The following ATP8B4 variants were observed in gnomAD, a reference collection of about 807,000 sequenced individuals.
The protein encoded by ATP8B4 is probable phospholipid-transporting ATPase IM.
Under a neutral mutation model 145.6 loss-of-function variants are expected in ATP8B4, and 133 were observed. That is an observed-to-expected ratio of 0.91 (90% confidence interval 0.79 to 1.05). The LOEUF is 1.05. Ranked by LOEUF, ATP8B4 falls within the 50% of genes least tolerant of loss-of-function variation. The pLI is 0.00. For synonymous variants in ATP8B4, 507 were observed against 492.9 expected, an observed-to-expected ratio of 1.03 and a Z score of -0.38; for missense variants, 1,458 against 1,425.2, an observed-to-expected ratio of 1.02 and a Z score of -0.37.
intron 25 of ATP8B4, among the ~76,000 whole-genome samples, chr15:49,876,008 A>G (rs1001788586): frequency 6.6e-6 from 1 of 152,202 alleles, no homozygotes; most frequent in Non-Finnish European, 1.5e-5. Context: ...TAATAGTATA[A>G]TCATTTCTCT....
chr15:50,127,983 G>A (rs2057318435), intron 1 of ATP8B4, among the ~76,000 whole-genome samples: 1 of 152,182 alleles, frequency 6.6e-6, no homozygotes, highest in Non-Finnish European at 1.5e-5. Context: ...CAGCAGATGA[G>A]CAGATGATGG....
intron 14 of ATP8B4, among the ~76,000 whole-genome samples, chr15:49,960,961 T>A (rs1343808372): frequency 6.6e-6 from 1 of 151,940 alleles, no homozygotes; most frequent in East Asian, 1.9e-4. Context: ...TGAAACCTGG[T>A]CTCTACTAAA....
intron 23 of ATP8B4, among the ~76,000 whole-genome samples, chr15:49,886,972 G>A (rs2036266486): frequency 6.6e-6 from 1 of 152,084 alleles, no homozygotes; most frequent in Non-Finnish European, 1.5e-5. Context: ...ACCATGCCTG[G>A]CTAATTTTTG....
intron 1 of ATP8B4, among the ~76,000 whole-genome samples, chr15:50,164,572 G>C (rs2044568117): frequency 6.6e-6 from 1 of 152,176 alleles, no homozygotes; most frequent in Admixed American, 6.5e-5. Context: ...GGTTGAGGGA[G>C]GGATGAAGCA....
At chr15:50,152,113 A>T (rs2044355628) in intron 1 of ATP8B4, among the ~76,000 whole-genome samples, 2 of 152,154 alleles carry the variant, frequency 1.3e-5, no homozygotes, top group South Asian at 4.1e-4. Context: ...TTTTGAAAAA[A>T]AATTATATTT....
At chr15:49,915,309 G>C (rs933332562) in intron 20 of ATP8B4, among the ~76,000 whole-genome samples, 1 of 152,138 alleles carries the variant, frequency 6.6e-6, no homozygotes, top group Non-Finnish European at 1.5e-5. Context: ...AAGGTTGTAT[G>C]GGTGGGAATG....
chr15:49,968,703 TAGAC>T (rs2044791570), intron 13 of ATP8B4, among the ~76,000 whole-genome samples: 1 of 152,182 alleles, frequency 6.6e-6, no homozygotes, highest in African/African-American at 2.4e-5. Flanking sequence ...TTGTCAATAT[TAGAC>T]AGATCAACGA....
intron 16 of ATP8B4, among the ~76,000 whole-genome samples, chr15:49,929,387 TGA>T (rs1212139125): frequency 6.6e-6 from 1 of 152,056 alleles, no homozygotes; most frequent in Non-Finnish European, 1.5e-5. Context: ...AAGCATACAA[TGA>T]GAGAGGTAAC....
At chr15:49,961,839 T>C in intron 14 of ATP8B4, 138 bp downstream of exon 14, 1 of 683,252 alleles carries the variant, frequency 1.5e-6, no homozygotes, top group Non-Finnish European at 2.4e-6. Flanking sequence ...TGAATCATAT[T>C]AATCTATTTT....
rs1213238112 is a variant in ATP8B4 at position 50,009,586 on chromosome 15, T to G, written c.435+1259A>C. On this transcript the variant is annotated intron_variant, in intron 7 of 27. Transcript: ENST00000284509. ...AGTTCTCTCCCAGTTCCCCATCTAGTGCCCTTACACTGGAGCTACCTTGAT... is the reference window on the plus strand; with the variant it reads ...AGTTCTCTCCCAGTTCCCCATCTAGGGCCCTTACACTGGAGCTACCTTGAT... 1.4e-5 allele frequency: 6 copies of G among 415,696 alleles called. No homozygotes were observed. The East Asian group carries it at 4.8e-4, about 33-fold the overall frequency. The allele number at this position is 415,696 out of a possible 1,614,324, so 25.8% of individuals were successfully genotyped here. A position where few individuals can be genotyped will look rare whatever the true frequency, so the allele number is the denominator to read the frequency against.
chr15:50,080,324 G>A (rs1240564128), intron 2 of ATP8B4, among the ~76,000 whole-genome samples: 9 of 152,108 alleles, frequency 5.9e-5, no homozygotes, highest in Non-Finnish European at 1.0e-4. Context: ...TTATAAATCA[G>A]TTAAATATTA....
chr15:50,018,101 C>T (rs2049239539), intron 6 of ATP8B4, among the ~76,000 whole-genome samples: 2 of 151,498 alleles, frequency 1.3e-5, no homozygotes, highest in South Asian at 4.2e-4. Flanking sequence ...TATTCTCATG[C>T]CTCAGCAGCC....
chr15:50,010,772 G>T lies in ATP8B4; in HGVS notation c.435+73C>A, dbSNP rs772946878. 6 of 979,488 alleles carry T rather than the reference G, an allele frequency of 6.1e-6. No homozygotes were observed. In the East Asian group the frequency reaches 9.0e-5, roughly 15 times the overall value. 60.7% of individuals were successfully genotyped at this position (979,488 alleles called of 1,614,324 possible). Reference sequence around the variant, plus strand: ...GGATTAGTAAGGATTTACTAAATTTGCAAATGTAAATACTTCCATATATAT... The same window carrying T: ...GGATTAGTAAGGATTTACTAAATTTTCAAATGTAAATACTTCCATATATAT... On this transcript the variant is annotated intron_variant, in intron 7 of 27. Coordinates refer to ENST00000284509, the MANE Select transcript of ATP8B4 (RefSeq NM_024837.4).
At chr15:50,162,973 C>T (rs2044544012) in intron 1 of ATP8B4, among the ~76,000 whole-genome samples, 1 of 152,148 alleles carries the variant, frequency 6.6e-6, no homozygotes, top group East Asian at 1.9e-4. Flanking sequence ...TCTTTTTAAT[C>T]ATTTCAATCT....
intron 13 of ATP8B4, among the ~76,000 whole-genome samples, chr15:49,963,529 C>T (rs1446895595): frequency 6.6e-6 from 1 of 152,104 alleles, no homozygotes; most frequent in Non-Finnish European, 1.5e-5. Context: ...CAGTGATAGA[C>T]TGGGTAAAGA....
chr15:50,088,095 A>T (rs1358507044), intron 2 of ATP8B4, among the ~76,000 whole-genome samples: 2 of 152,026 alleles, frequency 1.3e-5, no homozygotes, highest in Non-Finnish European at 2.9e-5. Flanking sequence ...ACCTCAAAAA[A>T]CCTAGATCCA....
At chr15:49,967,306 G>A (rs967242529) in intron 13 of ATP8B4, among the ~76,000 whole-genome samples, 5 of 152,250 alleles carry the variant, frequency 3.3e-5, no homozygotes, top group Admixed American at 6.5e-5. Context: ...CAGAAGGTGG[G>A]TAAAAACAAA....
At chr15:50,091,347 G>A (rs149391657) in intron 2 of ATP8B4, among the ~76,000 whole-genome samples, 85 of 152,214 alleles carry the variant, frequency 5.6e-4, no homozygotes, top group African/African-American at 1.8e-3. Context: ...CTGTAGTAAT[G>A]GTTGTATGGA....
intron 14 of ATP8B4, among the ~76,000 whole-genome samples, chr15:49,938,726 T>C (rs553402548): frequency 6.6e-5 from 10 of 152,092 alleles, no homozygotes; most frequent in Non-Finnish European, 1.2e-4. Flanking sequence ...AAAGAAATTC[T>C]GGACTTGAAT....
Sources: gnomAD v4.1 joint callset for allele counts (sites outside exome capture counted in the v4.1 genomes callset) on GRCh38, gnomAD v4.1.1 for gene constraint, MANE v1.5 for transcripts, NCBI Gene and HGNC (gene_info 2026-07-23, HGNC 2026-07-21) for gene names.